Variants in NUAK1 observed in about 807,000 individuals in gnomAD.
NUAK1 encodes NUAK family SNF1-like kinase 1.
Under a neutral mutation model 56.9 loss-of-function variants are expected in NUAK1, and 26 were observed. That is an observed-to-expected ratio of 0.46 (90% confidence interval 0.33 to 0.63). The LOEUF (loss-of-function observed/expected upper bound fraction) is 0.63. Among genes scored for constraint, NUAK1 ranks in the 30% least tolerant of loss-of-function variants. NUAK1 has a pLI of 0.02. For missense variants in NUAK1, 727 were observed against 876.1 expected, an observed-to-expected ratio of 0.83 and a Z score of 2.15; for synonymous variants, 337 against 336.0, an observed-to-expected ratio of 1.00 and a Z score of -0.03.
chr12:106,086,174 T>G (rs1448500315), intron 3 of NUAK1, among the ~76,000 whole-genome samples: 1 of 152,234 alleles, frequency 6.6e-6, no homozygotes, highest in Non-Finnish European at 1.5e-5. Context: ...GATCACTATT[T>G]GTCATAATCA....
chr12:106,066,156 A>C lies in NUAK1; in HGVS notation c.*646T>G, dbSNP rs909734008. The C allele has an allele frequency of 6.6e-6, 1 of 152,624 alleles. No individual in the cohort carries two copies. Among genetic ancestry groups the C allele is most frequent in the African/African-American group, 2.4e-5 (1 of 41,464 alleles). 9.5% of individuals were successfully genotyped at this position (152,624 alleles called of 1,614,324 possible). Reference sequence around the variant, plus strand: ...CACAGGATGACTAAACCCGATTCCCAGGGCCTAGCCAGATCAAAGATGACA... The same window carrying C: ...CACAGGATGACTAAACCCGATTCCCCGGGCCTAGCCAGATCAAAGATGACA... On this transcript the variant is annotated 3_prime_UTR_variant, in exon 7 of 7. Coordinates refer to ENST00000261402, the MANE Select transcript of NUAK1 (RefSeq NM_014840.3).
chr12:106,082,818 C>G (rs545699023), intron 4 of NUAK1, among the ~76,000 whole-genome samples: 5 of 152,110 alleles, frequency 3.3e-5, no homozygotes, highest in African/African-American at 9.7e-5. Context: ...GGAAACAAGT[C>G]TCATCACACG....
At chr12:106,083,972 G>T in intron 3 of NUAK1, 43 bp from the exon 4 acceptor site, 1 of 1,532,122 alleles carries the variant, frequency 6.5e-7, no homozygotes, top group Non-Finnish European at 9.0e-7. Context: ...GGAGCGGCTG[G>T]GATGAGAACA....
In NUAK1 at chr12:106,106,471, G is replaced by A. The variant is rs1279338206; in HGVS notation, c.295C>T (p.His99Tyr). 2 of 1,612,398 alleles carry A rather than the reference G, an allele frequency of 1.2e-6. No homozygotes were observed. The highest frequency in any genetic ancestry group is 1.1e-5 in the South Asian group (1 of 91,008). The change falls in exon 2 of 7, where the codon CAC becomes TAC. Residue 99 changes from histidine to tyrosine, a missense_variant. Physicochemically the swap from His to Tyr is moderately conservative, Grantham distance 83 (BLOSUM62 2). Coordinates refer to ENST00000261402, the MANE Select transcript of NUAK1 (RefSeq NM_014840.3). ...ATGATCTCAATCTCTCGTCTGATGT[G>A]AACCATGTCTTGTTCATCCTTAATT... is the stretch of plus-strand genomic sequence containing the variant. ...DKIKDEQDMV[H>Y]IRREIEIMSS...
At position 106,081,315 on chromosome 12, in the gene NUAK1, A is replaced by G. The variant is rs551117975; in HGVS notation, c.579+2549T>C. On this transcript the variant is annotated intron_variant, in intron 4 of 6. Coordinates refer to ENST00000261402, the MANE Select transcript of NUAK1 (RefSeq NM_014840.3). The stretch of plus-strand genomic sequence containing the variant: ...GGAAAAATGACTCCCAAAGTTCTTT[A>G]AAGATGTAGGATTCTCAGACCTAAG... Among the ~76,000 whole-genome samples, 11 of 152,330 alleles carry G rather than the reference A, an allele frequency of 7.2e-5. No homozygotes were observed. In the South Asian group the frequency reaches 1.7e-3, roughly 23 times the overall value.
At chr12:106,089,678 A>C (rs1157278048) in intron 2 of NUAK1, among the ~76,000 whole-genome samples, 3 of 152,180 alleles carry the variant, frequency 2.0e-5, no homozygotes, top group African/African-American at 7.2e-5. Context: ...AACCCCAGTT[A>C]CTGGGGAGGC....
intron 3 of NUAK1, among the ~76,000 whole-genome samples, chr12:106,084,569 A>G (rs1224861747): frequency 2.6e-5 from 4 of 152,220 alleles, no homozygotes; most frequent in African/African-American, 9.6e-5. Context: ...TGGCCTGACC[A>G]AAGCAGGTGG....
At position 106,106,272 on chromosome 12, in the gene NUAK1, C is replaced by T. The variant is rs768411799; in HGVS notation, c.361+133G>A. The T allele has an allele frequency of 1.6e-4, 123 of 749,594 alleles. 3 individuals are homozygous for T. In the Middle Eastern group the frequency reaches 5.8e-3, roughly 35 times the overall value. 46.4% of individuals were successfully genotyped at this position (749,594 alleles called of 1,614,324 possible). ...AGGTAACCAAGTAAGAGATAACACC[C>T]GACTATTTTTGCATCATGAGGAAAA... On this transcript the variant is annotated intron_variant, in intron 2 of 6. Transcript: ENST00000261402.
At chr12:106,119,960 T>C (rs2032957141) in intron 1 of NUAK1, among the ~76,000 whole-genome samples, 1 of 148,148 alleles carries the variant, frequency 6.8e-6, no homozygotes, top group Non-Finnish European at 1.5e-5. Context: ...GGCTCTTAAA[T>C]GGGTGAGCTT....
intron 4 of NUAK1, among the ~76,000 whole-genome samples, chr12:106,080,201 TTTC>T (rs1017297656): frequency 6.6e-6 from 1 of 152,226 alleles, no homozygotes; most frequent in African/African-American, 2.4e-5. Flanking sequence ...CAAAGCTTCT[TTTC>T]TTATCCACAG....
intron 4 of NUAK1, among the ~76,000 whole-genome samples, chr12:106,079,844 GT>G (rs1012230497): frequency 1.3e-5 from 2 of 152,218 alleles, no homozygotes; most frequent in African/African-American, 4.8e-5. Flanking sequence ...ATCACTGCTA[GT>G]TTAACAACTG....
At chr12:106,111,745 G>A (rs17038112) in intron 1 of NUAK1, among the ~76,000 whole-genome samples, 1,758 of 152,114 alleles carry the variant, frequency 0.012, 39 homozygotes, top group African/African-American at 0.041. Flanking sequence ...TTTTAAATCA[G>A]TGGCAATATT....
chr12:106,097,319 T>G (rs1405204767), intron 2 of NUAK1, among the ~76,000 whole-genome samples: 1 of 152,230 alleles, frequency 6.6e-6, no homozygotes, highest in Non-Finnish European at 1.5e-5. Context: ...CAAAACTGAT[T>G]GTGGTTTTCA....
intron 1 of NUAK1, among the ~76,000 whole-genome samples, chr12:106,113,112 G>A (rs1399479683): frequency 6.6e-6 from 1 of 152,132 alleles, no homozygotes; most frequent in African/African-American, 2.4e-5. Context: ...TCATTCCTTG[G>A]TCTCTAAGAC....
intron 2 of NUAK1, among the ~76,000 whole-genome samples, chr12:106,098,169 T>C (rs938441969): frequency 4.6e-5 from 7 of 152,194 alleles, no homozygotes; most frequent in Non-Finnish European, 1.0e-4. Context: ...CAGAAAGACC[T>C]ATCCAAATCT....
chr12:106,093,753 T>C (rs1391010746), intron 2 of NUAK1, among the ~76,000 whole-genome samples: 1 of 152,190 alleles, frequency 6.6e-6, no homozygotes, highest in Non-Finnish European at 1.5e-5. Context: ...AAAGGGACAA[T>C]TTCTTTCTGT....
rs374608378 is a variant in NUAK1 at position 106,113,935 on chromosome 12, C to T, written c.241-7410G>A. 1.2e-4 allele frequency among the ~76,000 whole-genome samples: 18 copies of T among 152,050 alleles called. No individual in the cohort carries two copies. In the East Asian group the frequency reaches 2.3e-3, roughly 20 times the overall value. On this transcript the variant is annotated intron_variant, in intron 1 of 6. Transcript: ENST00000261402. ...AAAAAGCCTCTGGTAACACAAGAGA[C>T]GCTAACACAGACAATATCAGATTCA...
intron 1 of NUAK1, among the ~76,000 whole-genome samples, chr12:106,121,524 C>G (rs938373480): frequency 2.0e-4 from 30 of 152,132 alleles, no homozygotes; most frequent in African/African-American, 7.2e-4. Flanking sequence ...CCAAGGCCAG[C>G]AGATCACTTG....
intron 6 of NUAK1, among the ~76,000 whole-genome samples, chr12:106,069,035 A>T (rs2032375938): frequency 6.6e-6 from 1 of 152,234 alleles, no homozygotes; most frequent in Non-Finnish European, 1.5e-5. Flanking sequence ...GAATTTTTCC[A>T]AAAAGAACAG....
Sources: gnomAD v4.1 joint callset for allele counts (sites outside exome capture counted in the v4.1 genomes callset) on GRCh38, gnomAD v4.1.1 for gene constraint, MANE v1.5 for transcripts, NCBI Gene and HGNC (gene_info 2026-07-23, HGNC 2026-07-21) for gene names.